Variants in DHX32 observed in about 807,000 individuals in gnomAD.
DHX32 encodes putative pre-mRNA-splicing factor ATP-dependent RNA helicase DHX32.
A neutral mutation model predicts 70.0 loss-of-function variants in DHX32; 51 were observed. The observed-to-expected ratio is 0.73, with a 90% CI of 0.58 to 0.92. The LOEUF (loss-of-function observed/expected upper bound fraction) is 0.92, where lower values mean the gene tolerates loss of function less well. DHX32 is among the 40% of genes least tolerant of loss of function. The pLI, the probability that DHX32 is intolerant of heterozygous loss-of-function variation, is 0.00. For missense variants in DHX32, 762 were observed against 891.8 expected, an observed-to-expected ratio of 0.85 and a Z score of 1.85; for synonymous variants, 310 against 315.3, an observed-to-expected ratio of 0.98 and a Z score of 0.18.
At chr10:125,893,451 C>G (rs10794033) in intron 1 of DHX32, among the ~76,000 whole-genome samples, 71,326 of 151,896 alleles carry the variant, frequency 0.47, 17,285 homozygotes, top group African/African-American at 0.56. Flanking sequence ...CACCGTGTTA[C>G]CCAGCATGGT....
intron 3 of DHX32, 130 bp downstream of exon 3, chr10:125,859,473 T>C (rs1197365265): frequency 9.8e-7 from 1 of 1,022,988 alleles, no homozygotes; most frequent in Non-Finnish European, 1.4e-6. Context: ...GCACAGGTTT[T>C]ATTTAATGAG....
chr10:125,884,789 G>GT (rs141526130), upstream of DHX32, among the ~76,000 whole-genome samples: 396 of 147,582 alleles, frequency 2.7e-3, 1 homozygote, highest in South Asian at 0.013. Flanking sequence ...TCTTTTGTGT[G>GT]TTTTTTTTTT....
At chr10:125,864,234 A>C (rs1042258861) in intron 2 of DHX32, among the ~76,000 whole-genome samples, 11 of 152,240 alleles carry the variant, frequency 7.2e-5, no homozygotes, top group Non-Finnish European at 1.6e-4. Flanking sequence ...GGCATGTCAC[A>C]GTGGAAAAGA....
chr10:125,852,735 C>T (rs1200456559), intron 4 of DHX32, 93 bp from the exon 5 acceptor site: 1 of 1,149,282 alleles, frequency 8.7e-7, no homozygotes, highest in Admixed American at 2.5e-5. Flanking sequence ...CAGTACTTTA[C>T]TCCATGAAAT....
intron 1 of DHX32, among the ~76,000 whole-genome samples, chr10:125,873,086 C>T (rs1236692455): frequency 1.3e-5 from 2 of 152,100 alleles, no homozygotes; most frequent in Admixed American, 1.3e-4. Flanking sequence ...GGGAGATCTC[C>T]TATAAGAATC....
chr10:125,841,234 A>G (rs1854869695), intron 7 of DHX32: 1 of 1,605,326 alleles, frequency 6.2e-7, no homozygotes. Flanking sequence ...TATGGTTAAT[A>G]TCCTGCTTCT....
intron 6 of DHX32, among the ~76,000 whole-genome samples, chr10:125,843,236 C>T (rs1434452932): frequency 1.3e-5 from 2 of 152,084 alleles, no homozygotes; most frequent in Admixed American, 6.5e-5. Context: ...CCCTAAGAAG[C>T]GCTTGAACCT....
chr10:125,844,643 A>C (rs949063159), intron 6 of DHX32, among the ~76,000 whole-genome samples: 1 of 152,226 alleles, frequency 6.6e-6, no homozygotes, highest in Admixed American at 6.5e-5. Flanking sequence ...GTGGCCCATA[A>C]ACTTGCTTAG....
upstream of DHX32, among the ~76,000 whole-genome samples, chr10:125,881,786 T>C (rs1944319123): frequency 6.6e-6 from 1 of 152,212 alleles, no homozygotes; most frequent in Admixed American, 6.5e-5. Flanking sequence ...GGACTACAGG[T>C]GTACACCACT....
At chr10:125,847,711 G>T (rs1405561190) in intron 6 of DHX32, among the ~76,000 whole-genome samples, 3 of 152,122 alleles carry the variant, frequency 2.0e-5, no homozygotes, top group African/African-American at 7.2e-5. Context: ...TCATCATAGT[G>T]TAGAATCAGT....
intron 6 of DHX32, chr10:125,842,750 ATAG>A (rs1378760666): frequency 8.1e-6 from 7 of 867,298 alleles, no homozygotes; most frequent in Non-Finnish European, 9.7e-6. Flanking sequence ...GATGCTAGAA[ATAG>A]TAGACAAAGA....
At position 125,867,057 on chromosome 10, in the gene DHX32, T is replaced by G; in HGVS notation, c.409A>C (p.Asn137His). Residue 137 changes from asparagine (N) to histidine (H), a missense_variant, in exon 2 of 11, where the codon AAC (asparagine) becomes CAC (histidine). Transcript: ENST00000284690. ...ALRVADEMDV[N>H]IGHEVGYVIP... is the part of the protein sequence containing the mutation. ...ACGTAGCCAACCTCATGACCAATGT[T>G]AACATCCATTTCATCCGCCACCCGC... is the stretch of plus-strand genomic sequence containing the variant. 3 of 1,614,238 alleles carry G rather than the reference T, an allele frequency of 1.9e-6. No homozygotes were observed. Among genetic ancestry groups the G allele is most frequent in the Non-Finnish European group, 2.5e-6 (3 of 1,180,036 alleles).
rs1944174258 is a variant in DHX32 at position 125,859,827 on chromosome 10, G to T, written c.625C>A (p.Pro209Thr). 4 of 1,613,898 alleles carry T rather than the reference G, an allele frequency of 2.5e-6. No individual in the cohort carries two copies. ...GLLKDVLLARPELKLIINSSP... is the reference protein window; with the variant it reads ...GLLKDVLLARTELKLIINSSP... ...GAGTTAATTATGAGCTTCAGTTCTG[G>T]TCTTGCTAGTAAAACATCTTTAAGA... The change falls in exon 3 of 11, where the codon CCA becomes ACA. Residue 209 changes from proline to threonine, a missense_variant. Coordinates refer to ENST00000284690, the MANE Select transcript of DHX32 (RefSeq NM_018180.3).
intron 7 of DHX32, chr10:125,841,540 G>C: frequency 7.0e-7 from 1 of 1,421,698 alleles, no homozygotes; most frequent in Admixed American, 3.1e-5. Flanking sequence ...CTTTGAGTTA[G>C]TTTTCTTAAG....
intron 1 of DHX32, among the ~76,000 whole-genome samples, chr10:125,870,155 A>G (rs1944247555): frequency 6.6e-6 from 1 of 152,230 alleles, no homozygotes; most frequent in South Asian, 2.1e-4. Context: ...GGGTAGGAAG[A>G]TGACCTTCAG....
chr10:125,864,641 A>G (rs1449683840), intron 2 of DHX32, among the ~76,000 whole-genome samples: 2 of 152,048 alleles, frequency 1.3e-5, no homozygotes, highest in Non-Finnish European at 2.9e-5. Context: ...ATTAAGAAGT[A>G]TCTTAGGCTG....
At chr10:125,892,243 C>A (rs1202256239) in intron 1 of DHX32, among the ~76,000 whole-genome samples, 1 of 152,296 alleles carries the variant, frequency 6.6e-6, no homozygotes, top group Non-Finnish European at 1.5e-5. Context: ...AGTGGCCCCT[C>A]CTTCTTATTC....
chr10:125,859,530 CTGTA>C, intron 3 of DHX32, 69 bp downstream of exon 3: 1 of 1,471,882 alleles, frequency 6.8e-7, no homozygotes, highest in Non-Finnish European at 9.1e-7. Context: ...AAACTGAAAC[CTGTA>C]TGTTAGTTAT....
At chr10:125,884,394 A>T (rs1944332375), upstream of DHX32, among the ~76,000 whole-genome samples, 1 of 152,214 alleles carries the variant, frequency 6.6e-6, no homozygotes, top group Non-Finnish European at 1.5e-5. Context: ...AAGTTTCATA[A>T]CTGTTCTGTT....
Sources: gnomAD v4.1 joint callset for allele counts (sites outside exome capture counted in the v4.1 genomes callset) on GRCh38, gnomAD v4.1.1 for gene constraint, MANE v1.5 for transcripts, NCBI Gene and HGNC (gene_info 2026-07-23, HGNC 2026-07-21) for gene names.